KCNIP4: variants seen among roughly 807,000 people sequenced by gnomAD.
KCNIP4 encodes the protein Kv channel-interacting protein 4.
A neutral mutation model predicts 34.0 loss-of-function variants in KCNIP4; 12 were observed. The observed-to-expected ratio is 0.35, with a 90% CI of 0.23 to 0.57. The LOEUF is 0.57. KCNIP4 is among the 20% of genes least tolerant of loss of function. The pLI is 0.83. For synonymous variants in KCNIP4, 124 were observed against 102.2 expected (o/e 1.21, Z -1.29); for missense variants, 238 against 311.7 (o/e 0.76, Z 1.78).
intron 1 of KCNIP4, among the ~76,000 whole-genome samples, chr4:20,939,449 C>T (rs1487872904): frequency 2.0e-5 from 3 of 152,086 alleles, no homozygotes; most frequent in African/African-American, 7.2e-5. Context: ...TCCCAGCTCA[C>T]TGCAACCTCT....
intron 1 of KCNIP4, among the ~76,000 whole-genome samples, chr4:21,138,170 C>T (rs1326516992): frequency 3.9e-5 from 6 of 152,124 alleles, no homozygotes; most frequent in African/African-American, 1.2e-4. Context: ...TACATGTCTT[C>T]GCTTTGCTGG....
chr4:20,793,846 G>A (rs929092024), intron 3 of KCNIP4, among the ~76,000 whole-genome samples: 6 of 151,664 alleles, frequency 4.0e-5, no homozygotes, highest in Non-Finnish European at 7.4e-5. Context: ...ACACAACCTA[G>A]ATCCCTCATG....
chr4:21,824,950 TA>T (rs775313496), intron 1 of KCNIP4, among the ~76,000 whole-genome samples: 14 of 152,150 alleles, frequency 9.2e-5, no homozygotes, highest in Non-Finnish European at 1.5e-4. Context: ...AATATTGCAA[TA>T]AGGCATGTTG....
intron 1 of KCNIP4, among the ~76,000 whole-genome samples, chr4:20,981,740 C>T (rs1736087968): frequency 6.6e-6 from 1 of 152,114 alleles, no homozygotes; most frequent in Non-Finnish European, 1.5e-5. Flanking sequence ...TGGTGATAAC[C>T]TGCATCCTTG....
chr4:21,100,865 C>T (rs994093263), intron 1 of KCNIP4, among the ~76,000 whole-genome samples: 4 of 152,138 alleles, frequency 2.6e-5, no homozygotes, highest in Non-Finnish European at 4.4e-5. Flanking sequence ...TCATCAGGAG[C>T]TGAACCTGCA....
At chr4:21,347,753 C>T (rs867586260) in intron 1 of KCNIP4, among the ~76,000 whole-genome samples, 1 of 152,208 alleles carries the variant, frequency 6.6e-6, no homozygotes, top group African/African-American at 2.4e-5. Context: ...CAGCATTTTC[C>T]CCCTTCATTC....
At chr4:21,367,774 T>A (rs1001058946) in intron 1 of KCNIP4, among the ~76,000 whole-genome samples, 1 of 147,264 alleles carries the variant, frequency 6.8e-6, no homozygotes, top group Non-Finnish European at 1.5e-5. Context: ...CTGTCAGGGA[T>A]TTTTTTTAAG....
chr4:20,853,885 T>C (rs2149487115), intron 2 of KCNIP4, among the ~76,000 whole-genome samples: 1 of 152,150 alleles, frequency 6.6e-6, no homozygotes, highest in South Asian at 2.1e-4. Flanking sequence ...CTAACACACA[T>C]GAAAAAATGC....
chr4:20,830,468 A>T (rs1206549266), intron 3 of KCNIP4, among the ~76,000 whole-genome samples: 1 of 152,044 alleles, frequency 6.6e-6, no homozygotes, highest in Non-Finnish European at 1.5e-5. Context: ...GCATGTTCTT[A>T]TGGGAATCCT....
chr4:21,166,385 G>A (rs1476973355), intron 1 of KCNIP4, among the ~76,000 whole-genome samples: 3 of 152,132 alleles, frequency 2.0e-5, no homozygotes, highest in Non-Finnish European at 4.4e-5. Flanking sequence ...CTGGTAAACT[G>A]ACTAAGTTAA....
chr4:20,852,175 A>C (rs943408126), intron 2 of KCNIP4, among the ~76,000 whole-genome samples: 1 of 150,494 alleles, frequency 6.6e-6, no homozygotes, highest in African/African-American at 2.4e-5. Context: ...CATAACCAAA[A>C]GAGAACACTA....
chr4:21,946,885 C>T (rs1472910607), intron 1 of KCNIP4, among the ~76,000 whole-genome samples: 1 of 152,086 alleles, frequency 6.6e-6, no homozygotes. Flanking sequence ...TATAGTACTC[C>T]CCAGGTGTGA....
At chr4:21,802,180 T>G (rs1013213953) in intron 1 of KCNIP4, among the ~76,000 whole-genome samples, 1 of 143,702 alleles carries the variant, frequency 7.0e-6, no homozygotes, top group Non-Finnish European at 1.6e-5. Context: ...ATGCCAGGAA[T>G]GTTAAAATCT....
intron 1 of KCNIP4, among the ~76,000 whole-genome samples, chr4:21,231,965 T>A (rs1195062073): frequency 6.6e-6 from 1 of 152,154 alleles, no homozygotes; most frequent in Non-Finnish European, 1.5e-5. Flanking sequence ...AGCTGGCCGA[T>A]AGACAAGGGC....
intron 1 of KCNIP4, among the ~76,000 whole-genome samples, chr4:20,905,363 A>T (rs181767650): frequency 6.6e-6 from 1 of 152,282 alleles, no homozygotes. Flanking sequence ...CCTTATTTTA[A>T]CTTTAATGAG....
At chr4:21,347,275 G>A (rs1170210533) in intron 1 of KCNIP4, among the ~76,000 whole-genome samples, 1 of 152,206 alleles carries the variant, frequency 6.6e-6, no homozygotes, top group Non-Finnish European at 1.5e-5. Flanking sequence ...TGTGGCTAGA[G>A]GAACCAAAGG....
intron 1 of KCNIP4, among the ~76,000 whole-genome samples, chr4:21,461,551 C>A (rs1427709130): frequency 1.3e-5 from 2 of 151,910 alleles, no homozygotes; most frequent in Non-Finnish European, 2.9e-5. Context: ...ATTTGGGAAG[C>A]ACCTCCTCCA....
At chr4:21,599,686 T>G (rs1742944254) in intron 1 of KCNIP4, among the ~76,000 whole-genome samples, 1 of 152,124 alleles carries the variant, frequency 6.6e-6, no homozygotes, top group South Asian at 2.1e-4. Flanking sequence ...AGTTCAGATC[T>G]GTATTTTAGG....
rs562596224 is a variant in KCNIP4 at position 21,438,083 on chromosome 4, A to T, written c.61+510488T>A. On this transcript the variant is annotated intron_variant, in intron 1 of 8. Transcript: ENST00000382152. ...ATCATTAGATAGTGTGCCTTGCCAGATATTTTCAAAGCGTGTGTTCATTTA... is the reference window on the plus strand; with the variant it reads ...ATCATTAGATAGTGTGCCTTGCCAGTTATTTTCAAAGCGTGTGTTCATTTA... 4.9e-4 allele frequency among the ~76,000 whole-genome samples: 74 copies of T among 152,276 alleles called. No homozygotes were observed. In the South Asian group the frequency reaches 0.013, roughly 27 times the overall value.
Sources: allele counts gnomAD v4.1 joint callset (sites outside exome capture counted in the v4.1 genomes callset), GRCh38; gene constraint gnomAD v4.1.1; transcripts MANE v1.5; gene names NCBI Gene and HGNC (gene_info 2026-07-23, HGNC 2026-07-21).